The following IGF2BP2 variants were observed in gnomAD, a reference collection of about 807,000 sequenced individuals.
IGF2BP2 encodes the protein insulin like growth factor 2 mRNA binding protein 2, also known as insulin-like growth factor 2 mRNA-binding protein 2.
IGF2BP2 carries 17 observed loss-of-function variants against 75.8 expected under a neutral mutation model. That is an observed-to-expected ratio of 0.22 (90% confidence interval 0.15 to 0.34). The LOEUF (loss-of-function observed/expected upper bound fraction) is 0.34, where lower values mean the gene tolerates loss of function less well. Among genes scored for constraint, IGF2BP2 ranks in the 10% least tolerant of loss-of-function variants. The probability of loss-of-function intolerance (pLI) is 1.00; values close to 1 mark genes in which losing one functional copy is unlikely to be tolerated. For synonymous variants in IGF2BP2, 288 were observed against 295.6 expected (o/e 0.97, Z 0.26); for missense variants, 516 against 772.4 (o/e 0.67, Z 3.93).
intron 2 of IGF2BP2, among the ~76,000 whole-genome samples, chr3:185,769,830 C>CAAAAAAA (rs35418660): frequency 1.6e-4 from 12 of 77,168 alleles, no homozygotes; most frequent in Non-Finnish European, 2.0e-4. Flanking sequence ...ACCCTGTCTC[C>CAAAAAAA]AAAAAAAAAA....
chr3:185,757,760 C>T (rs1219717579), intron 2 of IGF2BP2, among the ~76,000 whole-genome samples: 1 of 152,134 alleles, frequency 6.6e-6, no homozygotes. Flanking sequence ...CTGTACCTAG[C>T]CTATAGCTCA....
chr3:185,698,371 A>G (rs149587574), intron 2 of IGF2BP2, 24 bp from the exon 3 acceptor site: 12 of 1,608,448 alleles, frequency 7.5e-6, no homozygotes, highest in Admixed American at 1.7e-5. Flanking sequence ...ACCACAGACT[A>G]TAACACTTTC....
chr3:185,823,060 A>G, intron 2 of IGF2BP2, 93 bp downstream of exon 2: 1 of 751,480 alleles, frequency 1.3e-6, no homozygotes, highest in Non-Finnish European at 2.1e-6. Flanking sequence ...CCCTTTAAAA[A>G]CTACCAAGAG....
chr3:185,711,255 G>A (rs954471090), intron 2 of IGF2BP2, among the ~76,000 whole-genome samples: 5 of 152,196 alleles, frequency 3.3e-5, no homozygotes, highest in African/African-American at 1.2e-4. Context: ...CAGTGGTGCT[G>A]ATAGAAATCC....
chr3:185,755,277 G>A (rs6784185), intron 2 of IGF2BP2, among the ~76,000 whole-genome samples: 33,409 of 152,170 alleles, frequency 0.22, 3,755 homozygotes, highest in South Asian at 0.31. Context: ...GGTACAGCTC[G>A]GGCTGCTTTG....
Position 185,824,686 on chromosome 3 carries a change from G to T in IGF2BP2, c.178+97C>A. The T allele has an allele frequency of 5.2e-6, 5 of 968,350 alleles. No individual in the cohort carries two copies. The South Asian group carries it at 2.1e-4, about 40-fold the overall frequency. The allele number at this position is 968,350 out of a possible 1,614,324, so 60.0% of individuals were successfully genotyped here. The stretch of plus-strand genomic sequence containing the variant: ...AAGTGAGCGTGCGGGCGCGGGAGCC[G>T]CCGCCGGGCGCCGCCCGCCGGACTC... On this transcript the variant is annotated intron_variant, in intron 1 of 15. Transcript: ENST00000382199.
At chr3:185,727,879 A>G (rs185136599) in intron 2 of IGF2BP2, among the ~76,000 whole-genome samples, 15 of 152,290 alleles carry the variant, frequency 9.8e-5, no homozygotes, top group African/African-American at 3.6e-4. Flanking sequence ...CCATGCAGCT[A>G]GTCTATGATG....
chr3:185,754,843 G>A (rs569492643), intron 2 of IGF2BP2, among the ~76,000 whole-genome samples: 6 of 152,254 alleles, frequency 3.9e-5, no homozygotes, highest in East Asian at 1.9e-4. Flanking sequence ...ATTTCTAAGC[G>A]GCAAAGCAAT....
At chr3:185,692,568 A>T in intron 5 of IGF2BP2, 131 bp downstream of exon 5, 1 of 732,466 alleles carries the variant, frequency 1.4e-6, no homozygotes, top group Non-Finnish European at 2.3e-6. Flanking sequence ...CTCCATGGGT[A>T]TGTCAAAGGT....
rs1276104255 is a variant in IGF2BP2, at chr3:185,644,369, C to A, written c.*1162G>T. 2.0e-5 allele frequency: 3 copies of A among 152,218 alleles called. No homozygotes were observed. Among genetic ancestry groups the A allele is most frequent in the Non-Finnish European group, 2.9e-5 (2 of 67,972 alleles). 9.4% of individuals were successfully genotyped at this position (152,218 alleles called of 1,614,324 possible). A position where few individuals can be genotyped will look rare whatever the true frequency, so the allele number is the denominator to read the frequency against. On this transcript the variant is annotated 3_prime_UTR_variant, in exon 16 of 16. Coordinates refer to ENST00000382199, the MANE Select transcript of IGF2BP2 (RefSeq NM_006548.6). ...TTGCTGAATATTGATGGCTTATACA[C>A]CAAAATGCAAAAAGACAAAATACAT... is the stretch of plus-strand genomic sequence containing the variant.
intron 2 of IGF2BP2, among the ~76,000 whole-genome samples, chr3:185,807,554 T>C (rs1470171429): frequency 6.6e-6 from 1 of 152,258 alleles, no homozygotes; most frequent in East Asian, 1.9e-4. Context: ...ATCGTTTCAA[T>C]TTGTTGACTT....
chr3:185,796,699 G>A (rs993285509), intron 2 of IGF2BP2, among the ~76,000 whole-genome samples: 6 of 150,070 alleles, frequency 4.0e-5, no homozygotes, highest in Non-Finnish European at 5.9e-5. Flanking sequence ...TTTGTTAATT[G>A]CTTTAGGATG....
rs73058846 is a variant in IGF2BP2, at chr3:185,656,937, A to C, written c.1386+349T>G. 5.4e-3 allele frequency among the ~76,000 whole-genome samples: 815 copies of C among 152,306 alleles called. 9 individuals are homozygous for C. Among genetic ancestry groups the C allele is most frequent in the African/African-American group, 0.018 (762 of 41,572 alleles). ...CTGTGAAGTGGAGACTCATTAAAGC[A>C]CCGCATACTGGTACCTGCTAAGTTA... On this transcript the variant is annotated intron_variant, in intron 12 of 15. Coordinates refer to ENST00000382199, the MANE Select transcript of IGF2BP2 (RefSeq NM_006548.6).
At chr3:185,709,736 T>C (rs1724535177) in intron 2 of IGF2BP2, among the ~76,000 whole-genome samples, 1 of 152,310 alleles carries the variant, frequency 6.6e-6, no homozygotes, top group South Asian at 2.1e-4. Context: ...CCAAATCACT[T>C]GCTCCTCCCT....
In IGF2BP2 at chr3:185,713,291, T is replaced by C. The variant is rs993401180; in HGVS notation, c.240-14944A>G. 1.3e-4 allele frequency: 51 copies of C among 395,102 alleles called. 2 individuals carry two copies. In the East Asian group the frequency reaches 3.6e-3, roughly 28 times the overall value. 24.5% of individuals were successfully genotyped at this position (395,102 alleles called of 1,614,324 possible). On this transcript the variant is annotated intron_variant, in intron 2 of 15. Coordinates refer to ENST00000382199, the MANE Select transcript of IGF2BP2 (RefSeq NM_006548.6). ...ATTAGTAATATAGGGATACTCCACTTGTTATTGCGACTTTGATCTAAACAG... is the reference window on the plus strand; with the variant it reads ...ATTAGTAATATAGGGATACTCCACTCGTTATTGCGACTTTGATCTAAACAG...
chr3:185,689,735 G>C (rs1001985732), intron 5 of IGF2BP2, 108 bp from the exon 6 acceptor site: 2 of 1,214,828 alleles, frequency 1.6e-6, no homozygotes, highest in African/African-American at 3.0e-5. Flanking sequence ...TTGGGAGGCC[G>C]AGGCGGGTGG....
chr3:185,736,648 C>T (rs1199982476), intron 2 of IGF2BP2, among the ~76,000 whole-genome samples: 3 of 152,252 alleles, frequency 2.0e-5, no homozygotes, highest in African/African-American at 7.2e-5. Flanking sequence ...ATCTTGCTCA[C>T]AACCTGAAAT....
chr3:185,794,904 T>A (rs1737145096), intron 2 of IGF2BP2, among the ~76,000 whole-genome samples: 1 of 151,964 alleles, frequency 6.6e-6, no homozygotes, highest in Non-Finnish European at 1.5e-5. Flanking sequence ...TCTTTTCTTT[T>A]CTTTTTTTTT....
intron 7 of IGF2BP2, among the ~76,000 whole-genome samples, chr3:185,684,836 T>C (rs1577961183): frequency 6.7e-6 from 1 of 150,162 alleles, no homozygotes; most frequent in East Asian, 1.9e-4. Context: ...AAATGGTATG[T>C]GGGGAAGGAA....
Sources: gnomAD v4.1 joint callset for allele counts (sites outside exome capture counted in the v4.1 genomes callset) on GRCh38, gnomAD v4.1.1 for gene constraint, MANE v1.5 for transcripts, NCBI Gene and HGNC (gene_info 2026-07-23, HGNC 2026-07-21) for gene names.